NFKBIB: variants seen among roughly 807,000 people sequenced by gnomAD.
NFKBIB encodes the protein NF-kappa-B inhibitor beta.
In NFKBIB, 16 loss-of-function variants were observed where a neutral mutation model predicts 32.1. The observed-to-expected ratio is 0.50, with a 90% CI of 0.34 to 0.76. The LOEUF is 0.76. NFKBIB is among the 30% of genes least tolerant of loss of function. The pLI, the probability that NFKBIB is intolerant of heterozygous loss-of-function variation, is 0.01. For synonymous variants in NFKBIB, 222 were observed against 219.5 expected, an observed-to-expected ratio of 1.01 and a Z score of -0.10; for missense variants, 437 against 514.9, an observed-to-expected ratio of 0.85 and a Z score of 1.46.
Position 38,899,990 on chromosome 19 carries a change from T to TA in NFKBIB, c.-42dup. The TA allele has an allele frequency of 6.9e-7, 1 of 1,442,028 alleles. No individual in the cohort carries two copies. Among genetic ancestry groups the TA allele is most frequent in the East Asian group, 2.5e-5 (1 of 39,696 alleles). The allele number at this position is 1,442,028 out of a possible 1,614,324, so 89.3% of individuals were successfully genotyped here. On this transcript the variant is annotated 5_prime_UTR_variant, in exon 1 of 6. Transcript: ENST00000313582. ...TCCAGAACTCCCGGCAAAGCCCAGC[T>TA]ACAGGCGGGCGACTGCGGGGGGCCC... is the stretch of plus-strand genomic sequence containing the variant.
At chr19:38,904,909 A>G in intron 1 of NFKBIB, 106 bp from the exon 2 acceptor site, 5 of 1,010,584 alleles carry the variant, frequency 4.9e-6, no homozygotes, top group Non-Finnish European at 7.5e-6. Context: ...GGGGTTCCAG[A>G]ACTGTGGTCA....
intron 3 of NFKBIB, 49 bp from the exon 4 acceptor site, chr19:38,907,172 T>TG (rs563209299): frequency 3.5e-4 from 528 of 1,503,106 alleles, no homozygotes; most frequent in East Asian, 3.2e-4. Context: ...CACGGTGGGG[T>TG]GGGGGGGGCC....
chr19:38,905,225 C>G lies in NFKBIB; in HGVS notation c.309C>G (p.Ile103Met). 6.3e-7 allele frequency: 1 copy of G among 1,590,220 alleles called. No homozygotes were observed. Among genetic ancestry groups the G allele is most frequent in the Non-Finnish European group, 8.6e-7 (1 of 1,168,082 alleles). Reference protein sequence around the residue: ...LGQTALHLAAILGETSTVEKL... With the variant: ...LGQTALHLAAMLGETSTVEKL... ...AGACAGCCCTGCACCTGGCAGCCAT[C>G]CTGGGGGAGACATCCACGGTGGAGA... Residue 103 changes from isoleucine to methionine, a missense_variant, in exon 3 of 6, where the codon ATC becomes ATG. Physicochemically the swap from Ile to Met is conservative, Grantham distance 10. Transcript: ENST00000313582. The surrounding 1 kb of genome is among the most constrained non-coding windows in gnomAD (Gnocchi z 5.5).
At chr19:38,902,081 A>ATTTTTTTTTTTTTTTTTTTTTTTTTTTT (rs1220793422) in intron 1 of NFKBIB, among the ~76,000 whole-genome samples, 1 of 56,462 alleles carries the variant, frequency 1.8e-5, no homozygotes, top group East Asian at 1.8e-3. Context: ...TTTTCATTTT[A>ATTTTTTTTTTTTTTTTTTTTTTTTTTTT]TTTCTTTTTT....
At chr19:38,908,583 A>C in intron 5 of NFKBIB, 148 bp from the exon 6 acceptor site, 1 of 1,327,404 alleles carries the variant, frequency 7.5e-7, no homozygotes, top group South Asian at 2.2e-5. Context: ...TGGAGTTCTG[A>C]GAGCTAGGAA....
chr19:38,905,165 A>T lies in NFKBIB; in HGVS notation c.286-37A>T. ...GTAGGGCTTGGGGTCCAGGGTTCCC[A>T]GTGTGACTCCCTACCGCCTGTCCTC... On this transcript the variant is annotated intron_variant, in intron 2 of 5. Transcript: ENST00000313582. This position sits in a 1 kb window ranked among gnomAD's most constrained non-coding sequence, Gnocchi z 5.5. 1 of 1,610,850 alleles carries T rather than the reference A, an allele frequency of 6.2e-7. No homozygotes were observed. Among genetic ancestry groups the T allele is most frequent in the South Asian group, 1.1e-5 (1 of 90,766 alleles).
rs781304607 is a variant in NFKBIB at position 38,908,764 on chromosome 19, C to T, written c.1003C>T (p.Arg335Cys). The change falls in exon 6 of 6, where the codon CGC becomes TGC. Residue 335 changes from arginine (R) to cysteine (C), a missense_variant. Coordinates refer to ENST00000313582, the MANE Select transcript of NFKBIB (RefSeq NM_002503.5). ...EYDDIVVHSS[R>C]SQTRLPPTPA... is the part of the protein sequence containing the mutation. ...CGACGACATTGTGGTTCACAGCAGC[C>T]GCAGCCAAACCCGGCTGCCTCCCAC... The T allele has an allele frequency of 1.5e-5, 25 of 1,613,652 alleles. No individual in the cohort carries two copies. In the East Asian group the frequency reaches 2.9e-4, roughly 19 times the overall value.
At chr19:38,901,999 C>T (rs146741297) in intron 1 of NFKBIB, among the ~76,000 whole-genome samples, 5 of 151,544 alleles carry the variant, frequency 3.3e-5, no homozygotes, top group Middle Eastern at 6.8e-3. Context: ...TCTTTTTCCT[C>T]CCTCCTTTTT....
chr19:38,907,628 G>A lies in NFKBIB; in HGVS notation c.938G>A (p.Ser313Asn), dbSNP rs745366346. 1 of 1,610,064 alleles carries A rather than the reference G, an allele frequency of 6.2e-7. No individual in the cohort carries two copies. Residue 313 changes from serine to asparagine, a missense_variant, in exon 5 of 6, where the codon AGC becomes AAC. By Grantham distance (46) the Ser-to-Asn change is conservative. Transcript: ENST00000313582. ...GEDEKSGPCSSSSDSDSGDEG... is the reference protein window; with the variant it reads ...GEDEKSGPCSNSSDSDSGDEG... ...GACGAGAAATCCGGCCCCTGCAGCA[G>A]CAGTAGCGACAGCGACAGCGGAGAC...
intron 3 of NFKBIB, among the ~76,000 whole-genome samples, chr19:38,906,365 AAC>A (rs1974117746): frequency 6.6e-6 from 1 of 151,258 alleles, no homozygotes; most frequent in South Asian, 2.1e-4. Context: ...GCTGGTCTTG[AAC>A]TCCTGGCCTG....
At chr19:38,900,356 T>C (rs928144529) in intron 1 of NFKBIB, 145 bp downstream of exon 1, 2 of 848,918 alleles carry the variant, frequency 2.4e-6, no homozygotes, top group Non-Finnish European at 3.4e-6. Context: ...CCCCGAGTCC[T>C]AACTTTTAAC....
chr19:38,903,563 C>T (rs901610179), intron 1 of NFKBIB, among the ~76,000 whole-genome samples: 7 of 151,966 alleles, frequency 4.6e-5, no homozygotes, highest in African/African-American at 1.4e-4. Flanking sequence ...GCCAGGATTA[C>T]AGGTGTGGGC....
upstream of NFKBIB, chr19:38,899,953 C>T (rs1156492674): frequency 7.2e-6 from 10 of 1,385,826 alleles, no homozygotes; most frequent in Non-Finnish European, 8.5e-6. Context: ...GAATTTCCCG[C>T]AGGGCGGAAG....
chr19:38,908,572 A>G, intron 5 of NFKBIB, 159 bp from the exon 6 acceptor site: 2 of 1,325,486 alleles, frequency 1.5e-6, no homozygotes, highest in East Asian at 3.0e-5. Context: ...AGAAAAGAAA[A>G]TGGAGTTCTG....
chr19:38,907,118 A>G, intron 3 of NFKBIB, 103 bp from the exon 4 acceptor site: 1 of 1,061,548 alleles, frequency 9.4e-7, no homozygotes, highest in Non-Finnish European at 1.4e-6. Context: ...CAGCCCCCAA[A>G]CCTAATCACC....
In NFKBIB at chr19:38,907,585, CCT is replaced by C; in HGVS notation, c.896_897del (p.Pro299ArgfsTer16). On this transcript the variant is annotated frameshift_variant, in exon 5 of 6. Coordinates refer to ENST00000313582, the MANE Select transcript of NFKBIB (RefSeq NM_002503.5). LOFTEE classifies it high-confidence loss of function. ...LARLLRAHGA[P>X]EPEGEDEKSG... ...CCGCCTCCTCCGTGCACACGGAGCCCCTGAGCCCGAGGGCGAGGACGAGAAAT... is the reference window on the plus strand; with the variant it reads ...CCGCCTCCTCCGTGCACACGGAGCCCGAGCCCGAGGGCGAGGACGAGAAAT... 1 of 1,612,432 alleles carries C rather than the reference CCT, an allele frequency of 6.2e-7. No homozygotes were observed.
chr19:38,908,262 C>G, intron 5 of NFKBIB: 1 of 992,154 alleles, frequency 1.0e-6, no homozygotes, highest in South Asian at 4.6e-5. Flanking sequence ...GAGTTCTGGC[C>G]AGGTGCGGTG....
intron 5 of NFKBIB, chr19:38,907,936 G>C: frequency 7.7e-7 from 1 of 1,291,368 alleles, no homozygotes; most frequent in Non-Finnish European, 9.8e-7. Flanking sequence ...GAACACAGCG[G>C]GGGTGGGTGG....
intron 1 of NFKBIB, among the ~76,000 whole-genome samples, chr19:38,901,449 C>A (rs1973959074): frequency 6.6e-6 from 1 of 151,650 alleles, no homozygotes; most frequent in African/African-American, 2.4e-5. Context: ...CACATGCCAC[C>A]ATGCCTGGCA....
Sources: gnomAD v4.1 joint callset for allele counts (sites outside exome capture counted in the v4.1 genomes callset) on GRCh38, gnomAD v4.1.1 for gene constraint, Gnocchi (gnomAD v3.1) non-coding constraint, MANE v1.5 for transcripts, NCBI Gene and HGNC (gene_info 2026-07-23, HGNC 2026-07-21) for gene names.